Variants in MORC3 observed in about 807,000 individuals in gnomAD.
MORC3 encodes the protein MORC family CW-type zinc finger protein 3.
In MORC3, 31 loss-of-function variants were observed where a neutral mutation model predicts 109.1. The ratio of observed to expected loss-of-function variants is 0.28; its 90% CI spans 0.21 to 0.38. MORC3 has a LOEUF of 0.38. Among genes scored for constraint, MORC3 ranks in the 10% least tolerant of loss-of-function variants. The pLI is 1.00. For synonymous variants in MORC3, 395 were observed against 380.7 expected, an observed-to-expected ratio of 1.04 and a Z score of -0.44; for missense variants, 867 against 1,135.8, an observed-to-expected ratio of 0.76 and a Z score of 3.40.
Position 36,369,514 on chromosome 21 carries a change from C to T in MORC3, c.2146C>T (p.Gln716Ter). ...TGAGGAAAAAGAGAATTATAAAAGACAGTGTCATATGTTTACTGATCAAAT... is the reference window on the plus strand; with the variant it reads ...TGAGGAAAAAGAGAATTATAAAAGATAGTGTCATATGTTTACTGATCAAAT... Reference protein sequence around the residue: ...VTEEKENYKRQCHMFTDQIKV... With the variant: ...VTEEKENYKR The change falls in exon 15 of 17, where the codon CAG (glutamine) becomes TAG (stop). Residue 716 changes from glutamine (Q) to a stop codon, truncating the protein, a stop_gained. Transcript: ENST00000400485. LOFTEE classifies it high-confidence loss of function. 6.2e-7 allele frequency: 1 copy of T among 1,614,102 alleles called. No individual in the cohort carries two copies.
At chr21:36,334,134 G>GT (rs1185196452) in intron 2 of MORC3, among the ~76,000 whole-genome samples, 2 of 152,024 alleles carry the variant, frequency 1.3e-5, no homozygotes, top group Non-Finnish European at 2.9e-5. Flanking sequence ...GCAGGCCTGT[G>GT]GTCCCGGCTA....
intron 16 of MORC3, among the ~76,000 whole-genome samples, chr21:36,374,001 GT>G (rs1473747500): frequency 6.6e-6 from 1 of 152,088 alleles, no homozygotes; most frequent in Non-Finnish European, 1.5e-5. Context: ...TTAATCTATG[GT>G]TTCCCAGTGT....
intron 10 of MORC3, among the ~76,000 whole-genome samples, chr21:36,358,681 CT>C (rs927761927): frequency 0.027 from 3,999 of 148,334 alleles, 75 homozygotes; most frequent in Admixed American, 0.048. Flanking sequence ...TGTGATTTTT[CT>C]TTTTTTTTTG....
intron 13 of MORC3, among the ~76,000 whole-genome samples, chr21:36,363,553 C>T (rs1488882908): frequency 6.6e-6 from 1 of 152,222 alleles, no homozygotes; most frequent in Non-Finnish European, 1.5e-5. Flanking sequence ...AGTCATCTGA[C>T]AGTCTGTTTT....
Position 36,349,423 on chromosome 21 carries a change from TAA to T in MORC3, c.1103+17_1103+18del. ...AATGAGTACAGGTATGTTACCTATTTAAATTATTGACTGAGGTTCCTAGGAAA... is the reference window on the plus strand; with the variant it reads ...AATGAGTACAGGTATGTTACCTATTTATTATTGACTGAGGTTCCTAGGAAA... On this transcript the variant is annotated intron_variant, in intron 9 of 16. Transcript: ENST00000400485. 6.7e-7 allele frequency: 1 copy of T among 1,487,504 alleles called. No homozygotes were observed. Among genetic ancestry groups the T allele is most frequent in the South Asian group, 1.3e-5 (1 of 79,776 alleles). 92.1% of individuals were successfully genotyped at this position (1,487,504 alleles called of 1,614,324 possible). A position where few individuals can be genotyped will look rare whatever the true frequency, so the allele number is the denominator to read the frequency against.
Position 36,376,247 on chromosome 21 carries a change from T to C in MORC3, c.*951T>C, listed in dbSNP as rs966862346. On this transcript the variant is annotated 3_prime_UTR_variant, in exon 17 of 17. Transcript: ENST00000400485. ...TAGTATTACATGCCATAAAATACTA[T>C]GCTTTATTGGTCCCATGTTTTGTGC... 6.6e-6 allele frequency: 1 copy of C among 152,638 alleles called. No individual in the cohort carries two copies. Among genetic ancestry groups the C allele is most frequent in the Non-Finnish European group, 1.5e-5 (1 of 68,028 alleles). The allele number at this position is 152,638 out of a possible 1,614,324, so 9.5% of individuals were successfully genotyped here. A position where few individuals can be genotyped will look rare whatever the true frequency, so the allele number is the denominator to read the frequency against.
At chr21:36,328,126 C>G (rs145554478) in intron 1 of MORC3, among the ~76,000 whole-genome samples, 2 of 151,942 alleles carry the variant, frequency 1.3e-5, no homozygotes, top group South Asian at 2.1e-4. Flanking sequence ...ATCCACCTGC[C>G]GCGGCCTCCC....
At chr21:36,332,659 A>G (rs574617447) in intron 1 of MORC3, among the ~76,000 whole-genome samples, 86 of 152,320 alleles carry the variant, frequency 5.6e-4, no homozygotes, top group African/African-American at 1.9e-3. Context: ...ACTGGAGTAC[A>G]AATTGCCCTA....
intron 9 of MORC3, among the ~76,000 whole-genome samples, chr21:36,355,081 A>T (rs564662615): frequency 1.3e-5 from 2 of 152,280 alleles, no homozygotes; most frequent in South Asian, 4.1e-4. Flanking sequence ...TAATAATGGC[A>T]TCGTTATTCT....
rs1445745554 is a variant in MORC3 at position 36,339,523 on chromosome 21, AAAAAG to A, written c.608+607_608+611del. 3 of 148,500 alleles carry A rather than the reference AAAAAG, an allele frequency of 2.0e-5. No homozygotes were observed. The East Asian group carries it at 6.8e-4, about 33-fold the overall frequency. 9.2% of individuals were successfully genotyped at this position (148,500 alleles called of 1,614,324 possible). On this transcript the variant is annotated intron_variant, in intron 5 of 16. Transcript: ENST00000400485. ...TCTCAAAAAAAAAAAAAAAAAAAGA[AAAAAG>A]AAAAAAAGCAATGAGAAGACAAATT...
At chr21:36,332,851 G>A (rs1038154491) in intron 1 of MORC3, among the ~76,000 whole-genome samples, 6 of 148,408 alleles carry the variant, frequency 4.0e-5, no homozygotes, top group African/African-American at 1.5e-4. Context: ...GCAGTGGCAC[G>A]ATCTTGGCTC....
chr21:36,364,239 G>A lies in MORC3; in HGVS notation c.1599G>A (p.Gln533=), dbSNP rs1275513952. The A allele has an allele frequency of 6.2e-7, 1 of 1,614,062 alleles. No homozygotes were observed. Among genetic ancestry groups the A allele is most frequent in the African/African-American group, 1.3e-5 (1 of 75,028 alleles). ...RLLNNHQVPP[Q]SEPESNSLKR... ...TAAATAATCATCAAGTTCCACCTCA[G>A]TCTGAACCTGAGAGCAACAGGTCAG... Residue 533 remains glutamine, a synonymous_variant, in exon 14 of 17, where the codon CAG becomes CAA. Coordinates refer to ENST00000400485, the MANE Select transcript of MORC3 (RefSeq NM_015358.3).
rs1450231386 is a variant in MORC3 at position 36,351,549 on chromosome 21, C to T, written c.1103+2141C>T. Among the ~76,000 whole-genome samples the T allele has an allele frequency of 2.0e-5, 3 of 152,028 alleles. No individual in the cohort carries two copies. The South Asian group carries it at 6.2e-4, about 32-fold the overall frequency. On this transcript the variant is annotated intron_variant, in intron 9 of 16. Coordinates refer to ENST00000400485, the MANE Select transcript of MORC3 (RefSeq NM_015358.3). ...GAGATATTTGTCTTTCTATACCTGA[C>T]TTACTTCACTTAATGTAATGTCCTC...
intron 1 of MORC3, among the ~76,000 whole-genome samples, chr21:36,328,906 T>A (rs376146522): frequency 5.7e-5 from 8 of 139,228 alleles, no homozygotes; most frequent in Admixed American, 1.4e-4. Context: ...GCTGATGAGG[T>A]AAAAAAAAAA....
At chr21:36,364,825 G>A (rs998555092) in intron 14 of MORC3, among the ~76,000 whole-genome samples, 7 of 150,336 alleles carry the variant, frequency 4.7e-5, no homozygotes, top group Non-Finnish European at 7.4e-5. Context: ...GCCGAGGTGG[G>A]TGGATCATTT....
chr21:36,362,121 A>C, intron 12 of MORC3, 62 bp from the exon 13 acceptor site: 1 of 1,527,094 alleles, frequency 6.5e-7, no homozygotes, highest in Non-Finnish European at 9.1e-7. Flanking sequence ...CATAAATGGC[A>C]GGTATGTCAT....
At chr21:36,357,727 T>G (rs1308099154) in intron 10 of MORC3, among the ~76,000 whole-genome samples, 2 of 150,202 alleles carry the variant, frequency 1.3e-5, no homozygotes, top group South Asian at 2.1e-4. Flanking sequence ...GGTTGGTTGG[T>G]TGGGTTTTTT....
At chr21:36,371,058 G>C (rs115886197) in intron 15 of MORC3, among the ~76,000 whole-genome samples, 1,535 of 152,186 alleles carry the variant, frequency 0.01, 18 homozygotes, top group African/African-American at 0.035. Flanking sequence ...TTCTTCTACT[G>C]AGAAAGAAGG....
chr21:36,365,801 C>G (rs1038778386), intron 14 of MORC3, among the ~76,000 whole-genome samples: 1 of 152,190 alleles, frequency 6.6e-6, no homozygotes, highest in African/African-American at 2.4e-5. Context: ...AGGATAGTCT[C>G]GAACTCCTGA....
Sources: gnomAD v4.1 joint callset for allele counts (sites outside exome capture counted in the v4.1 genomes callset) on GRCh38, gnomAD v4.1.1 for gene constraint, MANE v1.5 for transcripts, NCBI Gene and HGNC (gene_info 2026-07-23, HGNC 2026-07-21) for gene names.